Variants in FBXL14 observed in about 807,000 individuals in gnomAD.
FBXL14 encodes the protein F-box and leucine rich repeat protein 14.
FBXL14 carries 11 observed loss-of-function variants against 24.5 expected under a neutral mutation model. The observed-to-expected ratio is 0.45, with a 90% CI of 0.28 to 0.74. The LOEUF (loss-of-function observed/expected upper bound fraction) is 0.74. Among genes scored for constraint, FBXL14 ranks in the 30% least tolerant of loss-of-function variants. The pLI is 0.12. For synonymous variants in FBXL14, 294 were observed against 240.4 expected (o/e 1.22, Z -2.06); for missense variants, 384 against 545.6 (o/e 0.70, Z 2.95).
intron 1 of FBXL14, among the ~76,000 whole-genome samples, chr12:1,588,913 T>C (rs1485183684): frequency 1.3e-5 from 2 of 151,762 alleles, no homozygotes; most frequent in African/African-American, 4.8e-5. Flanking sequence ...ATGGCGGGGA[T>C]CAACTTTTCA....
Position 1,566,476 on chromosome 12 carries a change from A to C in FBXL14, c.*272T>G, listed in dbSNP as rs2094436461. ...TTGCAAATTGCAATTCCATCCTAGC[A>C]AGTAAAAAGCTGAACAGACTGAAAA... On this transcript the variant is annotated 3_prime_UTR_variant, in exon 2 of 2. Transcript: ENST00000339235. 2 of 367,202 alleles carry C rather than the reference A, an allele frequency of 5.4e-6. No homozygotes were observed. Among genetic ancestry groups the C allele is most frequent in the Non-Finnish European group, 9.7e-6 (2 of 205,562 alleles). The allele number at this position is 367,202 out of a possible 1,614,324, so 22.7% of individuals were successfully genotyped here.
At chr12:1,592,087 C>T (rs1445317590) in intron 1 of FBXL14, among the ~76,000 whole-genome samples, 2 of 151,674 alleles carry the variant, frequency 1.3e-5, no homozygotes, top group Admixed American at 6.6e-5. Flanking sequence ...GGCATCTTTC[C>T]AGTCTAGGCA....
At chr12:1,575,474 C>T (rs2094454039) in intron 1 of FBXL14, among the ~76,000 whole-genome samples, 1 of 152,210 alleles carries the variant, frequency 6.6e-6, no homozygotes, top group Non-Finnish European at 1.5e-5. Context: ...TGAGCAGACA[C>T]TGACACTGTG....
intron 1 of FBXL14, among the ~76,000 whole-genome samples, chr12:1,580,241 CAG>C (rs2094463574): frequency 1.3e-5 from 2 of 152,326 alleles, no homozygotes; most frequent in South Asian, 2.1e-4. Context: ...TGTATGGACA[CAG>C]AGCGAACGCT....
In FBXL14 at chr12:1,569,676, A is replaced by T. The variant is rs1004548774; in HGVS notation, c.1195-2866T>A. Among the ~76,000 whole-genome samples, 16 of 152,260 alleles carry T rather than the reference A, an allele frequency of 1.1e-4. No individual in the cohort carries two copies. The highest frequency in any genetic ancestry group is 2.2e-4 in the Non-Finnish European group (15 of 68,036). ...CGGCCTCCCAGAGTGCTGGGATTAC[A>T]GGCGTGAGCCACCGCTCCCGGCACC... On this transcript the variant is annotated intron_variant, in intron 1 of 1. Coordinates refer to ENST00000339235, the MANE Select transcript of FBXL14 (RefSeq NM_152441.3). The surrounding 1 kb of genome is among the most constrained non-coding windows in gnomAD (Gnocchi z 4.2).
chr12:1,587,673 A>G (rs536054010), intron 1 of FBXL14: 4 of 152,362 alleles, frequency 2.6e-5, no homozygotes, highest in African/African-American at 9.6e-5. Flanking sequence ...CATTAAGTAA[A>G]TTATTAATAT....
rs1037561838 is a variant in FBXL14 at position 1,593,461 on chromosome 12, C to G, written c.606G>C (p.Leu202=). 3.7e-6 allele frequency: 6 copies of G among 1,613,866 alleles called. No homozygotes were observed. The highest frequency in any genetic ancestry group is 1.6e-4 in the Middle Eastern group (1 of 6,084). Reference sequence around the variant, plus strand: ...CCTGTAGCGTGAGCTGCTCCAGGCCCAGGCAGCCCTCCGCCGCGCTGCGCG... The same window carrying G: ...CCTGTAGCGTGAGCTGCTCCAGGCCGAGGCAGCCCTCCGCCGCGCTGCGCG... ...GMTRSAAEGC[L]GLEQLTLQDC... is the part of the protein sequence containing the mutation. Residue 202 remains leucine, a synonymous_variant, in exon 1 of 2, where the codon CTG becomes CTC. Transcript: ENST00000339235. The surrounding 1 kb of genome is among the most constrained non-coding windows in gnomAD (Gnocchi z 7.4).
chr12:1,582,723 A>T (rs1485036738), intron 1 of FBXL14, among the ~76,000 whole-genome samples: 1 of 152,180 alleles, frequency 6.6e-6, no homozygotes, highest in Non-Finnish European at 1.5e-5. Flanking sequence ...AGAGCTTATA[A>T]GCTGTGGCTC....
rs182811205 is a variant in FBXL14 at position 1,569,432 on chromosome 12, G to A, written c.1195-2622C>T. Reference sequence around the variant, plus strand: ...TTTTTTTTGTCTGAGACGGAGTCTCGCTCTGTCACCCAGGCTAGAGTGCAG... The same window carrying A: ...TTTTTTTTGTCTGAGACGGAGTCTCACTCTGTCACCCAGGCTAGAGTGCAG... On this transcript the variant is annotated intron_variant, in intron 1 of 1. Coordinates refer to ENST00000339235, the MANE Select transcript of FBXL14 (RefSeq NM_152441.3). The surrounding 1 kb of genome is among the most constrained non-coding windows in gnomAD (Gnocchi z 4.2). Among the ~76,000 whole-genome samples the A allele has an allele frequency of 4.3e-4, 61 of 141,672 alleles. No homozygotes were observed. The East Asian group carries it at 7.1e-3, about 16-fold the overall frequency. The allele number at this position is 141,672 out of a possible 152,430, so 92.9% of individuals were successfully genotyped here.
At position 1,593,350 on chromosome 12, in the gene FBXL14, C is replaced by G. The variant is rs1298825948; in HGVS notation, c.717G>C (p.Gly239=). ...GLRLLNLSFC[G]GISDAGLLHL... is the part of the protein sequence containing the mutation. ...GCAGGAGGCCAGCGTCCGAGATTCC[C>G]CCACAGAAGCTGAGGTTGAGGAGCC... Residue 239 remains glycine, a synonymous_variant, in exon 1 of 2, where the codon GGG becomes GGC. Coordinates refer to ENST00000339235, the MANE Select transcript of FBXL14 (RefSeq NM_152441.3). The surrounding 1 kb of genome is among the most constrained non-coding windows in gnomAD (Gnocchi z 7.4). 5.0e-6 allele frequency: 8 copies of G among 1,613,910 alleles called. No homozygotes were observed. The East Asian group carries it at 1.6e-4, about 31-fold the overall frequency.
chr12:1,572,996 G>A (rs1315524441), intron 1 of FBXL14, among the ~76,000 whole-genome samples: 1 of 152,192 alleles, frequency 6.6e-6, no homozygotes, highest in African/African-American at 2.4e-5. Flanking sequence ...GCCAGGCAGT[G>A]CCTTTTATGG....
intron 1 of FBXL14, among the ~76,000 whole-genome samples, chr12:1,576,548 C>T (rs892374116): frequency 2.6e-5 from 4 of 152,180 alleles, no homozygotes; most frequent in African/African-American, 7.2e-5. Context: ...CTCCCTTCTG[C>T]GCCAAGAATC....
intron 1 of FBXL14, among the ~76,000 whole-genome samples, chr12:1,591,347 GT>G (rs34841563): frequency 5.3e-4 from 74 of 138,366 alleles, no homozygotes; most frequent in African/African-American, 7.0e-4. Flanking sequence ...CAAGGCTGTT[GT>G]TTTTTTTTTT....
At chr12:1,572,282 G>A (rs11615227) in intron 1 of FBXL14, among the ~76,000 whole-genome samples, 20,848 of 152,274 alleles carry the variant, frequency 0.14, 1,573 homozygotes, top group African/African-American at 0.15. Context: ...CACTCAAAGT[G>A]CACGATACGG....
At chr12:1,574,565 G>C (rs898253663) in intron 1 of FBXL14, 2 of 268,024 alleles carry the variant, frequency 7.5e-6, no homozygotes, top group African/African-American at 2.3e-5. Context: ...GCAGGGACAA[G>C]GATAGCAACT....
chr12:1,576,695 T>A (rs2094456657), intron 1 of FBXL14, among the ~76,000 whole-genome samples: 1 of 152,040 alleles, frequency 6.6e-6, no homozygotes, highest in Admixed American at 6.6e-5. Context: ...CAGTTCCCAG[T>A]AAAACCCCAC....
Position 1,593,548 on chromosome 12 carries a change from G to C in FBXL14, c.519C>G (p.Ser173Arg). 1 of 1,614,072 alleles carries C rather than the reference G, an allele frequency of 6.2e-7. No individual in the cohort carries two copies. Residue 173 changes from serine (S) to arginine (R), a missense_variant, in exon 1 of 2, where the codon AGC becomes AGG. By Grantham distance (110) the Ser-to-Arg change is moderately radical. Coordinates refer to ENST00000339235, the MANE Select transcript of FBXL14 (RefSeq NM_152441.3). The surrounding 1 kb of genome is among the most constrained non-coding windows in gnomAD (Gnocchi z 7.4). The part of the protein sequence containing the change: ...LIAWGLQRLK[S>R]LNLRSCRHLS... ...GGTGGCGGCAGCTGCGGAGGTTAAG[G>C]CTCTTGAGGCGCTGCAGACCCCAGG...
chr12:1,574,687 C>T (rs545936332), intron 1 of FBXL14: 30 of 173,422 alleles, frequency 1.7e-4, no homozygotes, highest in African/African-American at 7.2e-4. Context: ...GTTCAAGAAC[C>T]TCAGGAAGCT....
chr12:1,580,009 TAAAG>T (rs1336756733), intron 1 of FBXL14, among the ~76,000 whole-genome samples: 1 of 152,236 alleles, frequency 6.6e-6, no homozygotes, highest in African/African-American at 2.4e-5. Context: ...TGTACATTCT[TAAAG>T]GAAGGTTCCA....
Sources: allele counts gnomAD v4.1 joint callset (sites outside exome capture counted in the v4.1 genomes callset), GRCh38; gene constraint gnomAD v4.1.1; non-coding constraint Gnocchi (gnomAD v3.1); transcripts MANE v1.5; gene names NCBI Gene and HGNC (gene_info 2026-07-23, HGNC 2026-07-21).